The following PRKG2 variants were observed in gnomAD, a reference collection of about 807,000 sequenced individuals.
PRKG2 encodes the protein protein kinase cGMP-dependent 2.
PRKG2 carries 33 observed loss-of-function variants against 97.2 expected under a neutral mutation model. That is an observed-to-expected ratio of 0.34 (90% confidence interval 0.26 to 0.45). The LOEUF (loss-of-function observed/expected upper bound fraction) is 0.45, where lower values mean the gene tolerates loss of function less well. Ranked by LOEUF, PRKG2 falls within the 20% of genes least tolerant of loss-of-function variation. The pLI, the probability that PRKG2 is intolerant of heterozygous loss-of-function variation, is 1.00. For missense variants in PRKG2, 638 were observed against 900.0 expected, an observed-to-expected ratio of 0.71 and a Z score of 3.73; for synonymous variants, 330 against 321.8, an observed-to-expected ratio of 1.03 and a Z score of -0.27.
rs1578434931 is a variant in PRKG2, at chr4:81,154,850, C to A, written c.913-1129G>T. 2.0e-5 allele frequency among the ~76,000 whole-genome samples: 3 copies of A among 152,222 alleles called. No homozygotes were observed. The South Asian group carries it at 6.2e-4, about 32-fold the overall frequency. ...TACGGGAGGACATTTAAACCAAAGG[C>A]AAAGAAGTTGAAAACTTTGAAAAAA... On this transcript the variant is annotated intron_variant, in intron 6 of 18. Coordinates refer to ENST00000264399, the MANE Select transcript of PRKG2 (RefSeq NM_006259.3).
At chr4:81,127,655 G>A (rs1380328577) in intron 14 of PRKG2, among the ~76,000 whole-genome samples, 1 of 152,124 alleles carries the variant, frequency 6.6e-6, no homozygotes, top group African/African-American at 2.4e-5. Flanking sequence ...GTATAAGAAT[G>A]CTTCTAATTT....
chr4:81,186,181 G>A (rs60808851), intron 2 of PRKG2, among the ~76,000 whole-genome samples: 34,755 of 151,872 alleles, frequency 0.23, 7,879 homozygotes, highest in African/African-American at 0.58. Flanking sequence ...TCTTCTCAGC[G>A]CCACACCACA....
chr4:81,199,113 A>G (rs1753138186), intron 2 of PRKG2, among the ~76,000 whole-genome samples: 1 of 152,208 alleles, frequency 6.6e-6, no homozygotes, highest in Non-Finnish European at 1.5e-5. Context: ...AAAAGCCTGT[A>G]TATACACTCT....
In PRKG2 at chr4:81,171,804, T is replaced by C; in HGVS notation, c.629A>G (p.Glu210Gly). The stretch of plus-strand genomic sequence containing the variant: ...CCCTTGGAACACCTCTAGTCGACCC[T>C]CTATCAAGCAGAATTTTAAAAAACA... Reference protein sequence around the residue: ...EPGNHIFVLAEGRLEVFQGEK... With the variant: ...EPGNHIFVLAGGRLEVFQGEK... Residue 210 changes from glutamate (E) to glycine (G), a missense_variant and splice_region_variant, in exon 4 of 19, where the codon GAG becomes GGG. Transcript: ENST00000264399. 1.3e-6 allele frequency: 2 copies of C among 1,590,232 alleles called. No individual in the cohort carries two copies. Among genetic ancestry groups the C allele is most frequent in the African/African-American group, 1.4e-5 (1 of 73,966 alleles).
intron 14 of PRKG2, among the ~76,000 whole-genome samples, chr4:81,114,313 G>A (rs1485030002): frequency 2.7e-5 from 4 of 149,642 alleles, no homozygotes; most frequent in African/African-American, 7.4e-5. Flanking sequence ...TGTTCAACCT[G>A]TGTTTGGTGA....
intron 2 of PRKG2, among the ~76,000 whole-genome samples, chr4:81,192,599 A>C (rs1029856031): frequency 6.6e-6 from 1 of 152,184 alleles, no homozygotes; most frequent in Non-Finnish European, 1.5e-5. Context: ...CTCATCTATG[A>C]ATAGGCATAG....
intron 6 of PRKG2, among the ~76,000 whole-genome samples, chr4:81,154,854 G>A (rs1184593747): frequency 3.3e-5 from 5 of 152,276 alleles, no homozygotes; most frequent in Admixed American, 6.5e-5. Context: ...CAAAGGCAAA[G>A]AAGTTGAAAA....
In PRKG2 at chr4:81,178,982, G is replaced by A. The variant is rs868264463; in HGVS notation, c.462-4023C>T. ...TCTACTAAAAATACAAAAAATAGCT[G>A]GTCGTGGTGGCAGGCGCCTGTAGTC... On this transcript the variant is annotated intron_variant, in intron 2 of 18. Coordinates refer to ENST00000264399, the MANE Select transcript of PRKG2 (RefSeq NM_006259.3). 5.3e-5 allele frequency among the ~76,000 whole-genome samples: 8 copies of A among 151,858 alleles called. No homozygotes were observed. In the South Asian group the frequency reaches 1.7e-3, roughly 32 times the overall value.
At chr4:81,124,134 T>C (rs1560556920) in intron 14 of PRKG2, among the ~76,000 whole-genome samples, 1 of 152,212 alleles carries the variant, frequency 6.6e-6, no homozygotes, top group Non-Finnish European at 1.5e-5. Context: ...AAACACCCTT[T>C]ATCTTTGTCT....
intron 2 of PRKG2, among the ~76,000 whole-genome samples, chr4:81,181,589 T>A (rs1468800433): frequency 6.6e-6 from 1 of 151,374 alleles, no homozygotes. Flanking sequence ...CCAAAATAAT[T>A]TCTTTGAAAA....
At chr4:81,189,066 T>TAAAAAAAAAAAAAAA in intron 2 of PRKG2, among the ~76,000 whole-genome samples, 215 of 17,014 alleles carry the variant, frequency 0.013, 19 homozygotes, top group African/African-American at 0.019. Context: ...AAAAAAATAA[T>TAAAAAAAAAAAAAAA]AAAAAAAAAA....
intron 14 of PRKG2, among the ~76,000 whole-genome samples, chr4:81,112,179 A>G (rs899301445): frequency 5.3e-5 from 8 of 152,202 alleles, no homozygotes; most frequent in Non-Finnish European, 1.2e-4. Flanking sequence ...TCCTATTGGA[A>G]AAAAGGAATT....
At chr4:81,142,691 G>T in intron 11 of PRKG2, 103 bp downstream of exon 11, 1 of 1,312,032 alleles carries the variant, frequency 7.6e-7, no homozygotes, top group African/African-American at 1.5e-5. Context: ...CAACATTTAA[G>T]ATAGCAGTAA....
intron 17 of PRKG2, among the ~76,000 whole-genome samples, chr4:81,096,391 C>T (rs1169204819): frequency 6.6e-6 from 1 of 151,942 alleles, no homozygotes; most frequent in Non-Finnish European, 1.5e-5. Flanking sequence ...AAAAAATTAT[C>T]CAGACATGGT....
chr4:81,194,424 A>T (rs1030074425), intron 2 of PRKG2, among the ~76,000 whole-genome samples: 18 of 152,246 alleles, frequency 1.2e-4, no homozygotes, highest in African/African-American at 4.1e-4. Context: ...AAACCTAATA[A>T]ATGCACAAGT....
chr4:81,174,387 T>C (rs1011145095), intron 3 of PRKG2, among the ~76,000 whole-genome samples: 1 of 152,036 alleles, frequency 6.6e-6, no homozygotes, highest in Non-Finnish European at 1.5e-5. Flanking sequence ...GCACATGGTA[T>C]TGTGATTAGA....
intron 17 of PRKG2, among the ~76,000 whole-genome samples, chr4:81,098,933 T>C (rs956862217): frequency 6.6e-6 from 1 of 152,218 alleles, no homozygotes; most frequent in Admixed American, 6.5e-5. Context: ...TGCAGGGTTA[T>C]CACAAACCTT....
intron 15 of PRKG2, 104 bp from the exon 16 acceptor site, chr4:81,106,039 T>C: frequency 3.0e-6 from 4 of 1,314,616 alleles, no homozygotes; most frequent in South Asian, 1.5e-5. Flanking sequence ...CCTTCTTTCA[T>C]TTCTTCCTCT....
intron 2 of PRKG2, among the ~76,000 whole-genome samples, chr4:81,190,805 A>G (rs1479804728): frequency 6.6e-6 from 1 of 152,248 alleles, no homozygotes; most frequent in African/African-American, 2.4e-5. Context: ...AAAAGAAGAC[A>G]TTTATGCAGC....
Sources: allele counts gnomAD v4.1 joint callset (sites outside exome capture counted in the v4.1 genomes callset), GRCh38; gene constraint gnomAD v4.1.1; transcripts MANE v1.5; gene names NCBI Gene and HGNC (gene_info 2026-07-23, HGNC 2026-07-21).